ARHGAP15: variants seen among roughly 807,000 people sequenced by gnomAD.
ARHGAP15 encodes rho GTPase-activating protein 15.
ARHGAP15 carries 51 observed loss-of-function variants against 63.7 expected under a neutral mutation model. The observed-to-expected ratio is 0.80, with a 90% CI of 0.64 to 1.01. The LOEUF is 1.01. Ranked by LOEUF, ARHGAP15 falls within the 50% of genes least tolerant of loss-of-function variation. ARHGAP15 has a pLI of 0.00. For synonymous variants in ARHGAP15, 191 were observed against 193.8 expected, an observed-to-expected ratio of 0.99 and a Z score of 0.12; for missense variants, 560 against 564.6, an observed-to-expected ratio of 0.99 and a Z score of 0.08.
intron 4 of ARHGAP15, among the ~76,000 whole-genome samples, chr2:143,225,332 T>C (rs955262489): frequency 3.3e-5 from 5 of 152,048 alleles, no homozygotes; most frequent in African/African-American, 1.2e-4. Context: ...CCGGGCGCGG[T>C]GGCTCACTCC....
At chr2:143,542,399 G>A (rs371184699) in intron 10 of ARHGAP15, among the ~76,000 whole-genome samples, 7 of 151,992 alleles carry the variant, frequency 4.6e-5, no homozygotes, top group East Asian at 1.9e-4. Context: ...ACCACTGTCC[G>A]GCACTCCCCA....
chr2:143,294,597 T>C (rs1682554742), intron 6 of ARHGAP15, among the ~76,000 whole-genome samples: 1 of 151,934 alleles, frequency 6.6e-6, no homozygotes, highest in Non-Finnish European at 1.5e-5. Context: ...GGAAAAGGAA[T>C]GAAGAGGAGG....
chr2:143,184,978 T>C (rs1408146362), intron 2 of ARHGAP15, among the ~76,000 whole-genome samples: 1 of 151,858 alleles, frequency 6.6e-6, no homozygotes, highest in Non-Finnish European at 1.5e-5. Context: ...CAACACAGTA[T>C]TTAACACAGT....
chr2:143,751,442 C>G (rs146110648), intron 13 of ARHGAP15, among the ~76,000 whole-genome samples: 2,504 of 152,312 alleles, frequency 0.016, 37 homozygotes, highest in Non-Finnish European at 0.024. Context: ...GGGTCCAGCA[C>G]AGTCCACCCT....
At chr2:143,367,904 A>G (rs541522840) in intron 6 of ARHGAP15, among the ~76,000 whole-genome samples, 2 of 152,220 alleles carry the variant, frequency 1.3e-5, no homozygotes, top group East Asian at 3.9e-4. Flanking sequence ...AGCTAATTTT[A>G]CAAATTAAAA....
At chr2:143,759,975 T>C (rs1409238942) in intron 13 of ARHGAP15, among the ~76,000 whole-genome samples, 8 of 152,164 alleles carry the variant, frequency 5.3e-5, no homozygotes. Flanking sequence ...TCTTAGCTTT[T>C]CTTGAAGTAC....
At chr2:143,605,636 C>T (rs948928796) in intron 11 of ARHGAP15, among the ~76,000 whole-genome samples, 1 of 151,916 alleles carries the variant, frequency 6.6e-6, no homozygotes, top group Non-Finnish European at 1.5e-5. Context: ...ATCAGATTCG[C>T]GGCATTTAAA....
In ARHGAP15 at chr2:143,641,474, C is replaced by G. The variant is rs183275767; in HGVS notation, c.1138+17207C>G. 9.9e-5 allele frequency among the ~76,000 whole-genome samples: 15 copies of G among 152,196 alleles called. No individual in the cohort carries two copies. The East Asian group carries it at 2.1e-3, about 22-fold the overall frequency. Reference sequence around the variant, plus strand: ...AATAAGGTATCACATGAGAAAATAGCATTCTCCTGCTTCAGGTTTTTAGCT... The same window carrying G: ...AATAAGGTATCACATGAGAAAATAGGATTCTCCTGCTTCAGGTTTTTAGCT... On this transcript the variant is annotated intron_variant, in intron 12 of 13. Coordinates refer to ENST00000295095, the MANE Select transcript of ARHGAP15 (RefSeq NM_018460.4).
intron 13 of ARHGAP15, among the ~76,000 whole-genome samples, chr2:143,725,133 G>A (rs985592955): frequency 7.9e-5 from 12 of 152,176 alleles, no homozygotes; most frequent in Admixed American, 7.9e-4. Flanking sequence ...TTTTTGACCA[G>A]AGCATTTGCT....
chr2:143,368,675 T>C (rs979522280), intron 6 of ARHGAP15, among the ~76,000 whole-genome samples: 2 of 152,026 alleles, frequency 1.3e-5, no homozygotes, highest in African/African-American at 4.8e-5. Context: ...AGAAGATATG[T>C]GAGAGTCATT....
At chr2:143,374,594 C>A (rs1686720934) in intron 6 of ARHGAP15, among the ~76,000 whole-genome samples, 1 of 152,004 alleles carries the variant, frequency 6.6e-6, no homozygotes. Context: ...AGCCTCAACT[C>A]CCTGGACTCA....
intron 6 of ARHGAP15, among the ~76,000 whole-genome samples, chr2:143,374,001 A>G (rs1686695392): frequency 6.6e-6 from 1 of 152,332 alleles, no homozygotes; most frequent in South Asian, 2.1e-4. Flanking sequence ...GAAATATGTT[A>G]GCTCTTAAAA....
intron 9 of ARHGAP15, among the ~76,000 whole-genome samples, chr2:143,507,874 C>T (rs1462121387): frequency 1.3e-5 from 2 of 152,112 alleles, no homozygotes; most frequent in African/African-American, 4.8e-5. Context: ...CTTTTGATTA[C>T]TTCCATTGGA....
In ARHGAP15 at chr2:143,262,535, A is replaced by ATTTTTTTTTTTTTT. The variant is rs67267617; in HGVS notation, c.474+11946_474+11959dup. On this transcript the variant is annotated intron_variant, in intron 6 of 13. Coordinates refer to ENST00000295095, the MANE Select transcript of ARHGAP15 (RefSeq NM_018460.4). ...TGTATATGCGGGGTCTGAACCTTTG[A>ATTTTTTTTTTTTTT]TTTTTTTTTTTTTTTTTTTTTTTTA... 1.8e-3 allele frequency among the ~76,000 whole-genome samples: 161 copies of ATTTTTTTTTTTTTT among 90,902 alleles called. 9 individuals carry two copies. The highest frequency in any genetic ancestry group is 8.6e-3 in the Middle Eastern group (1 of 116). 59.6% of individuals were successfully genotyped at this position (90,902 alleles called of 152,430 possible).
intron 10 of ARHGAP15, among the ~76,000 whole-genome samples, chr2:143,522,226 A>C (rs1694087766): frequency 6.6e-6 from 1 of 152,152 alleles, no homozygotes; most frequent in South Asian, 2.1e-4. Context: ...AAACTACCAG[A>C]GCATTCTCCT....
chr2:143,494,220 T>G (rs13024145), intron 9 of ARHGAP15, among the ~76,000 whole-genome samples: 1 of 152,072 alleles, frequency 6.6e-6, no homozygotes, highest in South Asian at 2.1e-4. Context: ...CATTAGATCA[T>G]CTGAATTGAT....
rs189706252 is a variant in ARHGAP15 at position 143,411,179 on chromosome 2, T to A, written c.475-24422T>A. Among the ~76,000 whole-genome samples the A allele has an allele frequency of 1.6e-3, 236 of 152,136 alleles. 2 individuals carry two copies. Among genetic ancestry groups the A allele is most frequent in the African/African-American group, 4.9e-3 (204 of 41,496 alleles). On this transcript the variant is annotated intron_variant, in intron 6 of 13. Coordinates refer to ENST00000295095, the MANE Select transcript of ARHGAP15 (RefSeq NM_018460.4). ...AAGATCATGCCACTGCACTCCAGCCTGGGCGACAGAGCGAGACTATCTCAA... is the reference window on the plus strand; with the variant it reads ...AAGATCATGCCACTGCACTCCAGCCAGGGCGACAGAGCGAGACTATCTCAA...
chr2:143,340,527 C>CTT (rs5834944), intron 6 of ARHGAP15, among the ~76,000 whole-genome samples: 45,861 of 148,684 alleles, frequency 0.31, 7,270 homozygotes, highest in East Asian at 0.49. Flanking sequence ...GATTTTTTCT[C>CTT]TTTTTTTTTT....
chr2:143,143,285 G>A (rs930794301), intron 1 of ARHGAP15, among the ~76,000 whole-genome samples: 20 of 152,162 alleles, frequency 1.3e-4, no homozygotes, highest in African/African-American at 2.4e-4. Flanking sequence ...AAGGCATCAA[G>A]AGAACCTTCA....
Sources: gnomAD v4.1 joint callset for allele counts (sites outside exome capture counted in the v4.1 genomes callset) on GRCh38, gnomAD v4.1.1 for gene constraint, MANE v1.5 for transcripts, NCBI Gene and HGNC (gene_info 2026-07-23, HGNC 2026-07-21) for gene names.